The following NKAIN2 variants were observed in gnomAD, a reference collection of about 807,000 sequenced individuals.
NKAIN2 encodes sodium/potassium-transporting ATPase subunit beta-1-interacting protein 2.
Under a neutral mutation model 32.6 loss-of-function variants are expected in NKAIN2, and 14 were observed. The observed-to-expected ratio is 0.43, with a 90% confidence interval of 0.28 to 0.67. The LOEUF (loss-of-function observed/expected upper bound fraction) is 0.67. NKAIN2 is among the 30% of genes least tolerant of loss of function. NKAIN2 has a pLI of 0.17. For missense variants in NKAIN2, 198 were observed against 258.3 expected, an observed-to-expected ratio of 0.77 and a Z score of 1.60; for synonymous variants, 80 against 87.2, an observed-to-expected ratio of 0.92 and a Z score of 0.46.
rs1198524080 is a variant in NKAIN2 at position 124,481,165 on chromosome 6, A to G, written c.273+125818A>G. Reference sequence around the variant, plus strand: ...AGTCATTGATTTCCTGGCAGGTTAGAGTTACTTTTTTTTTTTTTTTTTTCA... The same window carrying G: ...AGTCATTGATTTCCTGGCAGGTTAGGGTTACTTTTTTTTTTTTTTTTTTCA... On this transcript the variant is annotated intron_variant, in intron 3 of 6. Coordinates refer to ENST00000368417, the MANE Select transcript of NKAIN2 (RefSeq NM_001040214.3). Among the ~76,000 whole-genome samples the G allele has an allele frequency of 2.9e-5, 4 of 138,036 alleles. No individual in the cohort carries two copies. In the East Asian group the frequency reaches 8.8e-4, roughly 30 times the overall value. 90.6% of individuals were successfully genotyped at this position (138,036 alleles called of 152,430 possible).
intron 3 of NKAIN2, among the ~76,000 whole-genome samples, chr6:124,486,148 A>G (rs2114712180): frequency 6.6e-6 from 1 of 152,342 alleles, no homozygotes; most frequent in Non-Finnish European, 1.5e-5. Context: ...TCAATAACAC[A>G]AAATGAAATA....
At chr6:124,274,621 C>G (rs1449823627) in intron 1 of NKAIN2, among the ~76,000 whole-genome samples, 1 of 152,010 alleles carries the variant, frequency 6.6e-6, no homozygotes, top group East Asian at 1.9e-4. Context: ...CAATGTGATT[C>G]CCTCATCTGT....
At chr6:124,337,875 C>T (rs1235221274) in intron 2 of NKAIN2, among the ~76,000 whole-genome samples, 2 of 152,138 alleles carry the variant, frequency 1.3e-5, no homozygotes, top group Non-Finnish European at 1.5e-5. Flanking sequence ...ATGTTGAGCT[C>T]CTCATGAGGA....
chr6:124,660,935 T>C (rs922503), intron 4 of NKAIN2, among the ~76,000 whole-genome samples: 53,081 of 152,126 alleles, frequency 0.35, 9,363 homozygotes, highest in Non-Finnish European at 0.36. Flanking sequence ...ACTGATGTAA[T>C]GATTAATTGA....
intron 1 of NKAIN2, among the ~76,000 whole-genome samples, chr6:124,144,615 G>A (rs1436929698): frequency 2.0e-5 from 3 of 151,944 alleles, no homozygotes; most frequent in African/African-American, 7.3e-5. Context: ...GTCTAATAAC[G>A]GTCATTAAAA....
At chr6:124,329,660 T>A (rs906531157) in intron 2 of NKAIN2, among the ~76,000 whole-genome samples, 1 of 152,170 alleles carries the variant, frequency 6.6e-6, no homozygotes, top group African/African-American at 2.4e-5. Flanking sequence ...ATAAGACAAT[T>A]ACTGCATCAC....
intron 5 of NKAIN2, among the ~76,000 whole-genome samples, chr6:124,795,195 G>A (rs1187652663): frequency 6.6e-6 from 1 of 152,188 alleles, no homozygotes; most frequent in African/African-American, 2.4e-5. Flanking sequence ...TTTTGGCTCT[G>A]TAGCTTGTGC....
At chr6:124,388,296 A>G (rs772958759) in intron 3 of NKAIN2, among the ~76,000 whole-genome samples, 3 of 151,900 alleles carry the variant, frequency 2.0e-5, no homozygotes, top group Non-Finnish European at 4.4e-5. Flanking sequence ...ATTCACTATT[A>G]TGTCCTATTT....
At chr6:124,227,629 G>A (rs145453274) in intron 1 of NKAIN2, among the ~76,000 whole-genome samples, 24 of 152,154 alleles carry the variant, frequency 1.6e-4, no homozygotes, top group East Asian at 9.7e-4. Context: ...CAGAGATGCC[G>A]CAAGTTTCAT....
At chr6:123,858,397 T>C (rs1291969355) in intron 1 of NKAIN2, among the ~76,000 whole-genome samples, 1 of 152,192 alleles carries the variant, frequency 6.6e-6, no homozygotes, top group Non-Finnish European at 1.5e-5. Context: ...ATTACAGGCG[T>C]GAGTCACTGT....
rs550066710 is a variant in NKAIN2, at chr6:124,358,045, A to G, written c.273+2698A>G. ...GCGGTGTTTGGTTTTTTGTCCTTGC[A>G]ATAGTTTGCTCAGAATGATGGTTTC... is the stretch of plus-strand genomic sequence containing the variant. On this transcript the variant is annotated intron_variant, in intron 3 of 6. Transcript: ENST00000368417. 4.6e-5 allele frequency among the ~76,000 whole-genome samples: 7 copies of G among 152,172 alleles called. No individual in the cohort carries two copies. In the East Asian group the frequency reaches 1.2e-3, roughly 25 times the overall value.
At chr6:124,740,858 GT>G (rs1777175483) in intron 4 of NKAIN2, among the ~76,000 whole-genome samples, 1 of 151,878 alleles carries the variant, frequency 6.6e-6, no homozygotes, top group Admixed American at 6.6e-5. Context: ...ATTAGGAAAA[GT>G]TTTAAGGACT....
chr6:124,537,961 A>G (rs1306418050), intron 3 of NKAIN2, among the ~76,000 whole-genome samples: 1 of 152,084 alleles, frequency 6.6e-6, no homozygotes, highest in Non-Finnish European at 1.5e-5. Context: ...TTGTTTTTAG[A>G]TAAATATTTT....
At chr6:124,298,939 G>A (rs1002938759) in intron 2 of NKAIN2, among the ~76,000 whole-genome samples, 1 of 152,222 alleles carries the variant, frequency 6.6e-6, no homozygotes, top group East Asian at 1.9e-4. Flanking sequence ...ATGTGTGGCA[G>A]CTTGTGGATA....
chr6:124,667,254 A>T (rs943630415), intron 4 of NKAIN2, among the ~76,000 whole-genome samples: 2 of 152,022 alleles, frequency 1.3e-5, no homozygotes, highest in Admixed American at 6.6e-5. Context: ...CACATTTAAG[A>T]TAGTAGTAAG....
chr6:123,822,219 C>G (rs1487359524), intron 1 of NKAIN2, among the ~76,000 whole-genome samples: 1 of 152,108 alleles, frequency 6.6e-6, no homozygotes, highest in Non-Finnish European at 1.5e-5. Flanking sequence ...AAAAAAAACT[C>G]CTAGTGTTCT....
At chr6:124,719,897 GAT>G (rs1775933604) in intron 4 of NKAIN2, among the ~76,000 whole-genome samples, 1 of 152,100 alleles carries the variant, frequency 6.6e-6, no homozygotes, top group Non-Finnish European at 1.5e-5. Flanking sequence ...TTTGTCAGTT[GAT>G]TTTAGCCTTT....
intron 4 of NKAIN2, among the ~76,000 whole-genome samples, chr6:124,753,856 G>C (rs1313354072): frequency 6.6e-6 from 1 of 152,056 alleles, no homozygotes; most frequent in African/African-American, 2.4e-5. Flanking sequence ...CCCTAATAAA[G>C]AGGTCTTTTA....
intron 1 of NKAIN2, among the ~76,000 whole-genome samples, chr6:124,191,916 T>C (rs1790038299): frequency 6.8e-6 from 1 of 146,572 alleles, no homozygotes; most frequent in Non-Finnish European, 1.5e-5. Flanking sequence ...AAGATGTTGG[T>C]AATATCTTAT....
Sources: allele counts gnomAD v4.1 joint callset (sites outside exome capture counted in the v4.1 genomes callset), GRCh38; gene constraint gnomAD v4.1.1; transcripts MANE v1.5; gene names NCBI Gene and HGNC (gene_info 2026-07-23, HGNC 2026-07-21).